Variants in ANKRD2 observed in about 807,000 individuals in gnomAD.
The protein encoded by ANKRD2 is ankyrin repeat domain 2, also known as ankyrin repeat domain-containing protein 2.
A neutral mutation model predicts 37.3 loss-of-function variants in ANKRD2; 35 were observed. That is an observed-to-expected ratio of 0.94 (90% CI 0.72 to 1.24). The LOEUF is 1.24. Among genes scored for constraint, ANKRD2 ranks in the 50% most tolerant of loss-of-function variants. The probability of loss-of-function intolerance (pLI) is 0.00; values close to 1 mark genes in which losing one functional copy is unlikely to be tolerated. For synonymous variants in ANKRD2, 159 were observed against 186.5 expected (o/e 0.85, Z 1.20); for missense variants, 410 against 445.6 (o/e 0.92, Z 0.72).
chr10:97,582,449 G>GGT, intron 7 of ANKRD2, 36 bp downstream of exon 7: 1 of 1,593,100 alleles, frequency 6.3e-7, no homozygotes. Flanking sequence ...ACCCGCCATG[G>GGT]GTGTGTGGGC....
chr10:97,576,302 G>A (rs2040825600), intron 1 of ANKRD2, among the ~76,000 whole-genome samples: 1 of 152,222 alleles, frequency 6.6e-6, no homozygotes, highest in Non-Finnish European at 1.5e-5. Context: ...GCTGCCTGGT[G>A]GGGACTGCAG....
At chr10:97,580,773 A>C in intron 4 of ANKRD2, 82 bp from the exon 5 acceptor site, 1 of 1,001,548 alleles carries the variant, frequency 1.0e-6, no homozygotes, top group Non-Finnish European at 1.5e-6. Flanking sequence ...AGCTGGGGGG[A>C]AGGCCTGGGC....
chr10:97,572,881 A>T lies in ANKRD2; in HGVS notation c.87+6A>T. 1 of 1,550,882 alleles carries T rather than the reference A, an allele frequency of 6.4e-7. No homozygotes were observed. The stretch of plus-strand genomic sequence containing the variant: ...CACAGGAGGAGGAGAATGAGGTGCG[A>T]GCAGGGGTGGAGGTGCCCAAGGGGG... On this transcript the variant is annotated splice_donor_region_variant and intron_variant, in intron 1 of 8. Transcript: ENST00000370655.
intron 6 of ANKRD2, among the ~76,000 whole-genome samples, chr10:97,581,958 T>A (rs1306651152): frequency 6.6e-6 from 1 of 152,214 alleles, no homozygotes; most frequent in Non-Finnish European, 1.5e-5. Context: ...CATGTGTAAA[T>A]GAATTATTTA....
At chr10:97,577,941 A>G in intron 2 of ANKRD2, 40 bp downstream of exon 2, 1 of 1,519,388 alleles carries the variant, frequency 6.6e-7, no homozygotes, top group Non-Finnish European at 8.9e-7. Context: ...CCAGGGGACC[A>G]GCCAGGTAGC....
intron 1 of ANKRD2, 118 bp downstream of exon 1, chr10:97,572,993 GC>G: frequency 7.6e-7 from 1 of 1,309,304 alleles, no homozygotes; most frequent in Non-Finnish European, 1.0e-6. Context: ...GTCCCCAGGG[GC>G]CCAGTTGGGC....
intron 1 of ANKRD2, among the ~76,000 whole-genome samples, chr10:97,574,657 T>G (rs11189283): frequency 0.028 from 4,303 of 152,080 alleles, 87 homozygotes; most frequent in Non-Finnish European, 0.046. Flanking sequence ...TAAATCAGGT[T>G]GGAGGTAGAT....
In ANKRD2 at chr10:97,577,885, C is replaced by T; in HGVS notation, c.173C>T (p.Ala58Val). 1 of 1,565,542 alleles carries T rather than the reference C, an allele frequency of 6.4e-7. No homozygotes were observed. Residue 58 changes from alanine to valine, a missense_variant, in exon 2 of 9, where the codon GCC becomes GTC. Coordinates refer to ENST00000370655, the MANE Select transcript of ANKRD2 (RefSeq NM_001346793.2). ...DEKHHGAQSA[A>V]LQKVKGQERV... The stretch of plus-strand genomic sequence containing the variant: ...AAGCACCACGGGGCTCAGAGTGCAG[C>T]CCTGCAGAAGGTGAAGGTAAGCCTG...
intron 4 of ANKRD2, 74 bp downstream of exon 4, chr10:97,578,679 C>A: frequency 8.2e-7 from 1 of 1,213,178 alleles, no homozygotes; most frequent in Non-Finnish European, 1.2e-6. Context: ...CCTGGGTCAG[C>A]CCACTGTGAG....
Position 97,583,835 on chromosome 10 carries a change from C to A in ANKRD2, c.*110C>A. ...GGGCCCAGCCTTTTTTCTGCATGAT[C>A]CAGGAGCACATACCACAAACTACCA... is the stretch of plus-strand genomic sequence containing the variant. On this transcript the variant is annotated 3_prime_UTR_variant, in exon 9 of 9. Transcript: ENST00000370655. 1.6e-6 allele frequency: 2 copies of A among 1,255,236 alleles called. No homozygotes were observed. Among genetic ancestry groups the A allele is most frequent in the East Asian group, 6.2e-5 (2 of 32,310 alleles). 77.8% of individuals were successfully genotyped at this position (1,255,236 alleles called of 1,614,324 possible). A position where few individuals can be genotyped will look rare whatever the true frequency, so the allele number is the denominator to read the frequency against.
chr10:97,582,752 G>A (rs1326990394), intron 8 of ANKRD2, 50 bp downstream of exon 8: 10 of 1,564,972 alleles, frequency 6.4e-6, no homozygotes, highest in Admixed American at 1.7e-5. Flanking sequence ...CACTCATACA[G>A]TGGAGGTGCT....
intron 1 of ANKRD2, among the ~76,000 whole-genome samples, chr10:97,576,214 G>T (rs112675657): frequency 1.3e-5 from 2 of 152,162 alleles, no homozygotes; most frequent in Non-Finnish European, 2.9e-5. Context: ...CTCTGTAAGG[G>T]TGGCCTCCTT....
chr10:97,580,745 G>A, intron 4 of ANKRD2, 110 bp from the exon 5 acceptor site: 1 of 771,136 alleles, frequency 1.3e-6, no homozygotes, highest in Non-Finnish European at 2.1e-6. Flanking sequence ...TGGGGGCCAA[G>A]CACAGGGGTG....
At chr10:97,572,714 A>G, upstream of ANKRD2, 2 of 1,604,232 alleles carry the variant, frequency 1.2e-6, no homozygotes, top group Non-Finnish European at 1.7e-6. Flanking sequence ...GCTCATGGCA[A>G]AGGCGCCCAG....
At chr10:97,572,994 C>T (rs74730749) in intron 1 of ANKRD2, 119 bp downstream of exon 1, 17,171 of 1,309,508 alleles carry the variant, frequency 0.013, 587 homozygotes, top group African/African-American at 0.1. Context: ...TCCCCAGGGG[C>T]CCAGTTGGGC....
At chr10:97,575,771 C>G (rs1033274316) in intron 1 of ANKRD2, among the ~76,000 whole-genome samples, 1 of 152,068 alleles carries the variant, frequency 6.6e-6, no homozygotes, top group Non-Finnish European at 1.5e-5. Flanking sequence ...ATTAGCCAGG[C>G]GTGGCGGCAT....
chr10:97,572,894 G>A lies in ANKRD2; in HGVS notation c.87+19G>A. ...GAATGAGGTGCGAGCAGGGGTGGAG[G>A]TGCCCAAGGGGGTCTGAGGAGATCC... On this transcript the variant is annotated intron_variant, in intron 1 of 8. Transcript: ENST00000370655. 1.9e-6 allele frequency: 3 copies of A among 1,549,048 alleles called. No homozygotes were observed. The highest frequency in any genetic ancestry group is 2.4e-5 in the East Asian group (1 of 40,888).
At chr10:97,582,922 G>C (rs1476448412) in intron 8 of ANKRD2, among the ~76,000 whole-genome samples, 1 of 152,230 alleles carries the variant, frequency 6.6e-6, no homozygotes, top group Non-Finnish European at 1.5e-5. Context: ...AGAGACAGCA[G>C]GAGGGGCAGC....
At chr10:97,580,362 C>A (rs2040882232) in intron 4 of ANKRD2, among the ~76,000 whole-genome samples, 1 of 152,178 alleles carries the variant, frequency 6.6e-6, no homozygotes, top group Admixed American at 6.5e-5. Context: ...AAAGTTTATT[C>A]TTTCTTTGAA....
Sources: allele counts gnomAD v4.1 joint callset (sites outside exome capture counted in the v4.1 genomes callset), GRCh38; gene constraint gnomAD v4.1.1; transcripts MANE v1.5; gene names NCBI Gene and HGNC (gene_info 2026-07-23, HGNC 2026-07-21).